The following LRP1B variants were observed in gnomAD, a reference collection of about 807,000 sequenced individuals.
LRP1B encodes LDL receptor related protein 1B.
In LRP1B, 217 loss-of-function variants were observed where a neutral mutation model predicts 556.6. That is an observed-to-expected ratio of 0.39 (90% confidence interval 0.35 to 0.44). The LOEUF (loss-of-function observed/expected upper bound fraction) is 0.44, where lower values mean the gene tolerates loss of function less well. LRP1B is among the 20% of genes least tolerant of loss of function. The probability of loss-of-function intolerance (pLI) is 1.00; values close to 1 mark genes in which losing one functional copy is unlikely to be tolerated. For missense variants in LRP1B, 5,053 were observed against 5,620.8 expected (o/e 0.90, Z 3.23); for synonymous variants, 2,047 against 1,865.8 (o/e 1.10, Z -2.50).
intron 41 of LRP1B, among the ~76,000 whole-genome samples, chr2:140,677,655 C>G (rs1400923217): frequency 6.6e-6 from 1 of 152,006 alleles, no homozygotes; most frequent in Non-Finnish European, 1.5e-5. Context: ...GGTGGAACAC[C>G]TGAGGTCAGT....
intron 2 of LRP1B, among the ~76,000 whole-genome samples, chr2:141,808,796 T>C (rs1238425570): frequency 6.6e-6 from 1 of 152,092 alleles, no homozygotes; most frequent in Non-Finnish European, 1.5e-5. Context: ...ACTTTCTGTC[T>C]CTATAGATTT....
At chr2:141,498,363 T>TC (rs11380332) in intron 2 of LRP1B, among the ~76,000 whole-genome samples, 3 of 151,360 alleles carry the variant, frequency 2.0e-5, no homozygotes, top group African/African-American at 7.3e-5. Flanking sequence ...ATCCTTTTTT[T>TC]TTTTTTTCTT....
rs375651642 is a variant in LRP1B at position 140,921,983 on chromosome 2, A to G, written c.3319+982T>C. 5.9e-5 allele frequency among the ~76,000 whole-genome samples: 9 copies of G among 152,200 alleles called. No individual in the cohort carries two copies. In the South Asian group the frequency reaches 1.2e-3, roughly 21 times the overall value. On this transcript the variant is annotated intron_variant, in intron 21 of 90. Coordinates refer to ENST00000389484, the MANE Select transcript of LRP1B (RefSeq NM_018557.3). ...GAGCAAAAGAAATCACTAAGAGCTC[A>G]TGATTAAGCAATTGAAAAACAATTT...
intron 59 of LRP1B, among the ~76,000 whole-genome samples, chr2:140,480,380 G>A (rs1345606402): frequency 6.6e-6 from 1 of 152,214 alleles, no homozygotes; most frequent in Admixed American, 6.5e-5. Context: ...TACTGAGTAA[G>A]TGTCTTTCAC....
chr2:141,022,938 C>T (rs1381645610), intron 11 of LRP1B, among the ~76,000 whole-genome samples: 1 of 151,706 alleles, frequency 6.6e-6, no homozygotes, highest in African/African-American at 2.4e-5. Context: ...TCAAAATCTC[C>T]CTTAGCTTTC....
At chr2:140,751,291 C>T (rs1310418802) in intron 35 of LRP1B, among the ~76,000 whole-genome samples, 1 of 152,210 alleles carries the variant, frequency 6.6e-6, no homozygotes, top group African/African-American at 2.4e-5. Flanking sequence ...CCACGCATGG[C>T]CTCAGTTATA....
intron 6 of LRP1B, among the ~76,000 whole-genome samples, chr2:141,220,127 C>G (rs1302564224): frequency 6.6e-6 from 1 of 152,144 alleles, no homozygotes; most frequent in Non-Finnish European, 1.5e-5. Flanking sequence ...TAATAATGAA[C>G]TTCGCTGAGC....
chr2:140,632,225 G>T (rs1202769809), intron 41 of LRP1B, among the ~76,000 whole-genome samples: 1 of 151,958 alleles, frequency 6.6e-6, no homozygotes. Flanking sequence ...TGTCAGGAAA[G>T]GAATAAAGAT....
chr2:140,609,005 C>T (rs563153819), intron 41 of LRP1B, among the ~76,000 whole-genome samples: 1 of 152,282 alleles, frequency 6.6e-6, no homozygotes, highest in East Asian at 1.9e-4. Context: ...GAAAGTAATA[C>T]AAGCCATGAA....
intron 66 of LRP1B, among the ~76,000 whole-genome samples, chr2:140,398,468 T>C (rs942222147): frequency 2.0e-5 from 3 of 152,128 alleles, no homozygotes; most frequent in Admixed American, 1.3e-4. Flanking sequence ...GAGAGGGCAC[T>C]GTCAGATTCT....
Position 140,444,322 on chromosome 2 carries a change from TG to T in LRP1B, c.10294+7del. 1 of 1,613,746 alleles carries T rather than the reference TG, an allele frequency of 6.2e-7. No individual in the cohort carries two copies. On this transcript the variant is annotated splice_region_variant and intron_variant, in intron 65 of 90. Transcript: ENST00000389484. ...TAAGACAAGACAGAGTATTTTGAGG[TG>T]ACTTACGACAGTCTCTTTCATCTTC... is the stretch of plus-strand genomic sequence containing the variant.
chr2:140,673,750 T>C (rs144551259), intron 41 of LRP1B, among the ~76,000 whole-genome samples: 2,068 of 152,098 alleles, frequency 0.014, 42 homozygotes, highest in Admixed American at 0.046. Context: ...AAAAACTAGT[T>C]CGGGCCGTGA....
intron 1 of LRP1B, among the ~76,000 whole-genome samples, chr2:142,060,587 T>C (rs1033114562): frequency 1.3e-5 from 2 of 152,026 alleles, no homozygotes; most frequent in Non-Finnish European, 2.9e-5. Context: ...ACAGGAAAAA[T>C]GGCAACATCG....
At chr2:141,908,199 A>G (rs1007614003) in intron 1 of LRP1B, among the ~76,000 whole-genome samples, 2 of 152,028 alleles carry the variant, frequency 1.3e-5, no homozygotes, top group Admixed American at 1.3e-4. Flanking sequence ...CTTGATATAT[A>G]TATGTTATTT....
intron 3 of LRP1B, among the ~76,000 whole-genome samples, chr2:141,260,618 C>G (rs553921663): frequency 6.6e-6 from 1 of 152,184 alleles, no homozygotes; most frequent in South Asian, 2.1e-4. Context: ...GTATAGCTAT[C>G]GGATCAACCA....
intron 83 of LRP1B, among the ~76,000 whole-genome samples, chr2:140,308,803 A>C (rs1684174122): frequency 6.6e-6 from 1 of 151,836 alleles, no homozygotes; most frequent in South Asian, 2.1e-4. Context: ...CCTTCTATGA[A>C]AATACTATCA....
rs1056651989 is a variant in LRP1B at position 140,743,916 on chromosome 2, G to A, written c.5758+25297C>T. ...CAGGAGGGGGATGTTGCAGTGAGCC[G>A]AGATCGCGCCACTGCACTCCAGCCT... On this transcript the variant is annotated intron_variant, in intron 35 of 90. Coordinates refer to ENST00000389484, the MANE Select transcript of LRP1B (RefSeq NM_018557.3). Among the ~76,000 whole-genome samples, 5 of 129,156 alleles carry A rather than the reference G, an allele frequency of 3.9e-5. No homozygotes were observed. In the East Asian group the frequency reaches 1.2e-3, roughly 31 times the overall value. 84.7% of individuals were successfully genotyped at this position (129,156 alleles called of 152,430 possible). A position where few individuals can be genotyped will look rare whatever the true frequency, so the allele number is the denominator to read the frequency against.
At chr2:140,568,220 A>C (rs1574088367) in intron 43 of LRP1B, among the ~76,000 whole-genome samples, 1 of 149,692 alleles carries the variant, frequency 6.7e-6, no homozygotes, top group Non-Finnish European at 1.5e-5. Context: ...AAAAAAATAC[A>C]GGTAAACAAT....
intron 66 of LRP1B, 27 bp from the exon 67 acceptor site, chr2:140,386,036 A>C (rs1392579349): frequency 1.4e-6 from 2 of 1,417,772 alleles, no homozygotes; most frequent in Non-Finnish European, 2.0e-6. Context: ...CAGAGTTTGC[A>C]TTGTAGATTT....
Sources: gnomAD v4.1 joint callset for allele counts (sites outside exome capture counted in the v4.1 genomes callset) on GRCh38, gnomAD v4.1.1 for gene constraint, MANE v1.5 for transcripts, NCBI Gene and HGNC (gene_info 2026-07-23, HGNC 2026-07-21) for gene names.